DPYD: variants seen among roughly 807,000 people sequenced by gnomAD.
The protein encoded by DPYD is dihydropyrimidine dehydrogenase [NADP(+)].
In DPYD, 109 loss-of-function variants were observed where a neutral mutation model predicts 116.2. That is an observed-to-expected ratio of 0.94 (90% CI 0.80 to 1.10). The LOEUF (loss-of-function observed/expected upper bound fraction) is 1.10, where lower values mean the gene tolerates loss of function less well. Ranked by LOEUF, DPYD falls within the 50% of genes least tolerant of loss-of-function variation. The probability of loss-of-function intolerance (pLI) is 0.00; values close to 1 mark genes in which losing one functional copy is unlikely to be tolerated. For synonymous variants in DPYD, 440 were observed against 432.0 expected (o/e 1.02, Z -0.23); for missense variants, 1,302 against 1,254.5 (o/e 1.04, Z -0.57).
At chr1:97,230,238 T>G (rs864335) in intron 19 of DPYD, among the ~76,000 whole-genome samples, 48,531 of 151,926 alleles carry the variant, frequency 0.32, 7,914 homozygotes, top group African/African-American at 0.38. Context: ...CAACCTAAAT[T>G]CCCATCAATG....
At chr1:97,417,665 AT>A (rs1218053132) in intron 14 of DPYD, among the ~76,000 whole-genome samples, 2 of 152,118 alleles carry the variant, frequency 1.3e-5, no homozygotes, top group East Asian at 1.9e-4. Flanking sequence ...TTTCACTTTA[AT>A]TTTTTTCAAT....
chr1:97,742,163 G>A (rs765900210), intron 3 of DPYD, among the ~76,000 whole-genome samples: 70 of 152,162 alleles, frequency 4.6e-4, no homozygotes, highest in South Asian at 1.5e-3. Context: ...GAATTTCACT[G>A]AGCATGAATC....
At chr1:97,243,741 G>C (rs1662531669) in intron 18 of DPYD, among the ~76,000 whole-genome samples, 1 of 151,924 alleles carries the variant, frequency 6.6e-6, no homozygotes, top group African/African-American at 2.4e-5. Context: ...AGAATAGCTA[G>C]TAATTGTATA....
intron 3 of DPYD, chr1:97,774,846 C>A: frequency 5.2e-6 from 1 of 192,728 alleles, no homozygotes; most frequent in Non-Finnish European, 1.2e-5. Flanking sequence ...AACGGTTTGA[C>A]GATTTTGAAC....
rs1164202717 is a variant in DPYD, at chr1:97,921,018, T to C, written c.-96A>G. On this transcript the variant is annotated 5_prime_UTR_variant, in exon 1 of 23. Coordinates refer to ENST00000370192, the MANE Select transcript of DPYD (RefSeq NM_000110.4). ...CAAGTGACAGCAGCCGGAGCGCGAG[T>C]CGAAAACAGGCAGACTAGGGCCGGC... is the stretch of plus-strand genomic sequence containing the variant. The C allele has an allele frequency of 5.4e-6, 8 of 1,487,832 alleles. 1 individual carries two copies. Among genetic ancestry groups the C allele is most frequent in the South Asian group, 4.8e-5 (4 of 82,730 alleles). 92.2% of individuals were successfully genotyped at this position (1,487,832 alleles called of 1,614,324 possible).
intron 14 of DPYD, among the ~76,000 whole-genome samples, chr1:97,394,737 G>T (rs527900087): frequency 6.6e-6 from 1 of 152,162 alleles, no homozygotes; most frequent in South Asian, 2.1e-4. Flanking sequence ...GCAATAAAAT[G>T]AGGTATGTCT....
intron 13 of DPYD, among the ~76,000 whole-genome samples, chr1:97,455,951 G>T (rs1012165271): frequency 1.3e-5 from 2 of 151,296 alleles, no homozygotes; most frequent in African/African-American, 4.9e-5. Context: ...CTATCTACAT[G>T]GAAAACACAA....
intron 20 of DPYD, among the ~76,000 whole-genome samples, chr1:97,187,833 T>G (rs1658101680): frequency 6.6e-6 from 1 of 152,180 alleles, no homozygotes; most frequent in Non-Finnish European, 1.5e-5. Context: ...AAGGTGTCCT[T>G]GTCCTAGTGT....
chr1:97,275,264 A>G (rs1309328127), intron 18 of DPYD, among the ~76,000 whole-genome samples: 1 of 152,206 alleles, frequency 6.6e-6, no homozygotes, highest in Non-Finnish European at 1.5e-5. Flanking sequence ...AGTTTTAGTT[A>G]AAATGTTATC....
intron 18 of DPYD, among the ~76,000 whole-genome samples, chr1:97,246,665 A>G (rs1387639846): frequency 1.3e-5 from 2 of 152,142 alleles, no homozygotes; most frequent in African/African-American, 4.8e-5. Context: ...TAGTGTAGGG[A>G]TGTTGCCTCG....
chr1:97,311,656 T>C (rs1186866453), intron 16 of DPYD, among the ~76,000 whole-genome samples: 1 of 151,670 alleles, frequency 6.6e-6, no homozygotes, highest in Non-Finnish European at 1.5e-5. Flanking sequence ...AAAATATCCA[T>C]AGTAGCACTG....
chr1:97,673,650 A>C (rs1659989870), intron 8 of DPYD, among the ~76,000 whole-genome samples: 1 of 152,184 alleles, frequency 6.6e-6, no homozygotes, highest in Non-Finnish European at 1.5e-5. Context: ...GAATTATAAT[A>C]AAGAAGGTGA....
chr1:97,691,855 C>T, intron 6 of DPYD, 57 bp from the exon 7 acceptor site: 1 of 1,403,422 alleles, frequency 7.1e-7, no homozygotes, highest in Non-Finnish European at 1.0e-6. Flanking sequence ...CAATCTTTGA[C>T]CAATCTTAAA....
chr1:97,823,127 GTCTT>G (rs1187672436), intron 3 of DPYD, among the ~76,000 whole-genome samples: 2 of 151,936 alleles, frequency 1.3e-5, no homozygotes, highest in Non-Finnish European at 1.5e-5. Flanking sequence ...TCAAACACTT[GTCTT>G]TTTTTGTTTG....
chr1:97,323,223 CATATGTAT>C (rs923093443), intron 16 of DPYD, among the ~76,000 whole-genome samples: 3 of 143,528 alleles, frequency 2.1e-5, no homozygotes, highest in African/African-American at 7.6e-5. Context: ...TGTATACATA[CATATGTAT>C]ATATGTATAC....
intron 3 of DPYD, among the ~76,000 whole-genome samples, chr1:97,810,786 A>G (rs1160924387): frequency 6.6e-6 from 1 of 152,168 alleles, no homozygotes; most frequent in African/African-American, 2.4e-5. Context: ...ATATATCTCA[A>G]AAGCTTAATT....
intron 2 of DPYD, among the ~76,000 whole-genome samples, chr1:97,850,939 T>C (rs1345090828): frequency 6.6e-6 from 1 of 152,028 alleles, no homozygotes; most frequent in Non-Finnish European, 1.5e-5. Flanking sequence ...AATTTGCTAC[T>C]TCACAGAAAA....
intron 13 of DPYD, among the ~76,000 whole-genome samples, chr1:97,450,542 T>C (rs1259403814): frequency 1.3e-5 from 2 of 152,098 alleles, no homozygotes; most frequent in East Asian, 3.9e-4. Flanking sequence ...ATAATAAAAA[T>C]ATGATAGGTA....
At chr1:97,325,934 G>A (rs975382139) in intron 16 of DPYD, among the ~76,000 whole-genome samples, 1 of 151,776 alleles carries the variant, frequency 6.6e-6, no homozygotes, top group Non-Finnish European at 1.5e-5. Context: ...AAGATTTTGT[G>A]CCTTATCCTT....
Sources: gnomAD v4.1 joint callset for allele counts (sites outside exome capture counted in the v4.1 genomes callset) on GRCh38, gnomAD v4.1.1 for gene constraint, MANE v1.5 for transcripts, NCBI Gene and HGNC (gene_info 2026-07-23, HGNC 2026-07-21) for gene names.